The following MRC1 variants were observed in gnomAD, a reference collection of about 807,000 sequenced individuals.
The protein encoded by MRC1 is macrophage mannose receptor 1.
MRC1 carries 62 observed loss-of-function variants against 102.9 expected under a neutral mutation model. That is an observed-to-expected ratio of 0.60 (90% CI 0.49 to 0.74). The LOEUF (loss-of-function observed/expected upper bound fraction) is 0.74, where lower values mean the gene tolerates loss of function less well. Among genes scored for constraint, MRC1 ranks in the 30% least tolerant of loss-of-function variants. The probability of loss-of-function intolerance (pLI) is 0.00; values close to 1 mark genes in which losing one functional copy is unlikely to be tolerated. For synonymous variants in MRC1, 457 were observed against 298.4 expected (o/e 1.53, Z -5.48); for missense variants, 1,237 against 862.8 (o/e 1.43, Z -5.43).
chr10:17,905,398 T>A (rs1335081663), intron 26 of MRC1, among the ~76,000 whole-genome samples: 8 of 152,216 alleles, frequency 5.3e-5, no homozygotes, highest in Non-Finnish European at 8.8e-5. Flanking sequence ...AGTGTTCTCA[T>A]TGGTTTTATA....
At chr10:17,847,421 C>T (rs1189488573) in intron 6 of MRC1, among the ~76,000 whole-genome samples, 8 of 152,214 alleles carry the variant, frequency 5.3e-5, no homozygotes, top group African/African-American at 1.7e-4. Context: ...CTTCTTCACT[C>T]GCTAACCACT....
intron 1 of MRC1, among the ~76,000 whole-genome samples, chr10:17,817,456 G>C (rs1443749613): frequency 6.6e-6 from 1 of 152,054 alleles, no homozygotes; most frequent in African/African-American, 2.4e-5. Context: ...TTGCCTTTGA[G>C]TTAACCACAG....
chr10:17,891,913 C>T (rs1554843148), intron 22 of MRC1, among the ~76,000 whole-genome samples: 1 of 152,118 alleles, frequency 6.6e-6, no homozygotes, highest in Non-Finnish European at 1.5e-5. Context: ...TTTCGTAGTC[C>T]TATGATGGGG....
At chr10:17,845,612 TGCG>T (rs1838815268) in intron 6 of MRC1, among the ~76,000 whole-genome samples, 177 bp downstream of exon 6, 1 of 152,198 alleles carries the variant, frequency 6.6e-6, no homozygotes, top group South Asian at 2.1e-4. Context: ...TTCCTGAGTG[TGCG>T]GCGGTGTCTG....
rs782728662 is a variant in MRC1 at position 17,907,538 on chromosome 10, G to A, written c.3918G>A (p.Thr1306=). ...WIGLFRNVEG[T]WLWINNSPVS... ...TTGGTTTTATCTGATGACCAGGGAC[G>A]TGGCTGTGGATAAATAACAGTCCGG... The change falls in exon 28 of 30, where the codon ACG becomes ACA. Residue 1306 remains threonine (T), a synonymous_variant. Coordinates refer to ENST00000569591, the MANE Select transcript of MRC1 (RefSeq NM_002438.4). 5.6e-5 allele frequency: 44 copies of A among 780,702 alleles called. No individual in the cohort carries two copies. Among genetic ancestry groups the A allele is most frequent in the Middle Eastern group, 2.2e-4 (1 of 4,458 alleles). The allele number at this position is 780,702 out of a possible 1,614,324, so 48.4% of individuals were successfully genotyped here. A position where few individuals can be genotyped will look rare whatever the true frequency, so the allele number is the denominator to read the frequency against.
intron 1 of MRC1, among the ~76,000 whole-genome samples, chr10:17,819,449 TTGTATG>T (rs1210064691): frequency 4.0e-5 from 4 of 98,968 alleles, no homozygotes; most frequent in Admixed American, 2.1e-4. Context: ...GAATTCAGAG[TTGTATG>T]TGTGTGTGTG....
intron 1 of MRC1, among the ~76,000 whole-genome samples, chr10:17,817,408 T>C (rs902063675): frequency 1.2e-4 from 19 of 152,198 alleles, no homozygotes; most frequent in Admixed American, 6.5e-5. Context: ...TTGAAACTTA[T>C]TGCTTCTTTA....
At chr10:17,818,312 G>A (rs1483532825) in intron 1 of MRC1, among the ~76,000 whole-genome samples, 1 of 152,142 alleles carries the variant, frequency 6.6e-6, no homozygotes, top group African/African-American at 2.4e-5. Flanking sequence ...TATTTGTTGA[G>A]AGATTATTTA....
chr10:17,867,361 T>TCAC (rs1435980607), intron 12 of MRC1, among the ~76,000 whole-genome samples: 1 of 104,434 alleles, frequency 9.6e-6, no homozygotes, highest in Non-Finnish European at 2.0e-5. Flanking sequence ...TTCTTCTCCT[T>TCAC]CTCCTTCTTC....
intron 2 of MRC1, 129 bp from the exon 3 acceptor site, chr10:17,827,413 A>ACC: frequency 2.5e-6 from 1 of 394,366 alleles, no homozygotes; most frequent in Non-Finnish European, 4.8e-6. Flanking sequence ...AAAAAAAAGA[A>ACC]ATCCCTCTGT....
At chr10:17,835,618 C>T (rs965894026) in intron 4 of MRC1, among the ~76,000 whole-genome samples, 1 of 152,204 alleles carries the variant, frequency 6.6e-6, no homozygotes, top group Non-Finnish European at 1.5e-5. Context: ...AGGAGGTTCA[C>T]ACAGAGCCTT....
At chr10:17,898,407 G>C in intron 24 of MRC1, 141 bp downstream of exon 24, 2 of 736,764 alleles carry the variant, frequency 2.7e-6, no homozygotes, top group East Asian at 4.9e-5. Flanking sequence ...ACATCAACAA[G>C]ATCCAATCTT....
intron 8 of MRC1, among the ~76,000 whole-genome samples, chr10:17,854,980 C>T (rs1171813239): frequency 6.6e-5 from 10 of 152,090 alleles, no homozygotes; most frequent in African/African-American, 1.2e-4. Context: ...CGTGAGCCGC[C>T]GCGCTTGGCC....
intron 12 of MRC1, among the ~76,000 whole-genome samples, chr10:17,870,035 C>G (rs1044255137): frequency 4.6e-5 from 7 of 152,236 alleles, no homozygotes; most frequent in South Asian, 4.1e-4. Flanking sequence ...ATTTTATTTT[C>G]TAAGGTTTTC....
At chr10:17,903,392 CTTTTTTTTTTTTTTTT>C (rs35118275) in intron 26 of MRC1, among the ~76,000 whole-genome samples, 1 of 88,862 alleles carries the variant, frequency 1.1e-5, no homozygotes, top group Admixed American at 1.3e-4. Context: ...CTTTTTTTTT[CTTTTTTTTTTTTTTTT>C]TTTTTGAGAC....
At position 17,873,815 on chromosome 10, in the gene MRC1, T is replaced by C; in HGVS notation, c.2376T>C (p.Ala792=). 1 of 872,634 alleles carries C rather than the reference T, an allele frequency of 1.1e-6. No individual in the cohort carries two copies. The highest frequency in any genetic ancestry group is 2.4e-5 in the East Asian group (1 of 41,696). The allele number at this position is 872,634 out of a possible 1,614,324, so 54.1% of individuals were successfully genotyped here. Residue 792 remains alanine, a synonymous_variant, in exon 16 of 30, where the codon GCT becomes GCC. Transcript: ENST00000569591. ...CACCAAAACCTGAGCCAACACCAGC[T>C]CCTCAAGACAGTAGGTGTTTTCTTA... ...GQTPKPEPTP[A]PQDNPPVTED... is the part of the protein sequence containing the mutation.
At chr10:17,811,751 T>A (rs904735397) in intron 1 of MRC1, among the ~76,000 whole-genome samples, 29 of 152,068 alleles carry the variant, frequency 1.9e-4, no homozygotes, top group South Asian at 8.3e-4. Context: ...TAATTTTTTT[T>A]ATTTTTTTTT....
intron 6 of MRC1, among the ~76,000 whole-genome samples, chr10:17,845,736 A>C (rs1838817159): frequency 6.6e-6 from 1 of 152,170 alleles, no homozygotes; most frequent in Non-Finnish European, 1.5e-5. Context: ...TATTCAGAGG[A>C]TACAGAAACC....
At chr10:17,844,262 C>T (rs691367) in intron 5 of MRC1, among the ~76,000 whole-genome samples, 4 of 151,704 alleles carry the variant, frequency 2.6e-5, no homozygotes, top group East Asian at 1.9e-4. Flanking sequence ...TCTGTCACCC[C>T]GGCTGGAGTG....
Sources: allele counts gnomAD v4.1 joint callset (sites outside exome capture counted in the v4.1 genomes callset), GRCh38; gene constraint gnomAD v4.1.1; transcripts MANE v1.5; gene names NCBI Gene and HGNC (gene_info 2026-07-23, HGNC 2026-07-21).